GPR158: variants seen among roughly 807,000 people sequenced by gnomAD.
GPR158 encodes G protein-coupled receptor 158.
A neutral mutation model predicts 78.2 loss-of-function variants in GPR158; 30 were observed. The observed-to-expected ratio is 0.38, with a 90% CI of 0.29 to 0.52. The LOEUF is 0.52. Ranked by LOEUF, GPR158 falls within the 20% of genes least tolerant of loss-of-function variation. The pLI is 0.83. For synonymous variants in GPR158, 581 were observed against 591.1 expected (o/e 0.98, Z 0.25); for missense variants, 1,463 against 1,523.5 (o/e 0.96, Z 0.66).
At chr10:25,326,634 A>G (rs1266496295) in intron 2 of GPR158, among the ~76,000 whole-genome samples, 24 of 152,180 alleles carry the variant, frequency 1.6e-4, no homozygotes, top group Non-Finnish European at 1.0e-4. Flanking sequence ...GCCAAAAAGT[A>G]AAAAGTTTCA....
At chr10:25,491,827 T>C (rs1835813190) in intron 5 of GPR158, among the ~76,000 whole-genome samples, 1 of 152,192 alleles carries the variant, frequency 6.6e-6, no homozygotes, top group African/African-American at 2.4e-5. Context: ...CTTATCATTA[T>C]ATGGATAGGT....
intron 2 of GPR158, among the ~76,000 whole-genome samples, chr10:25,293,947 A>C (rs1478592663): frequency 6.6e-6 from 1 of 152,082 alleles, no homozygotes; most frequent in East Asian, 1.9e-4. Flanking sequence ...GGGTTTCACC[A>C]TGTTGGCCAG....
At chr10:25,504,693 T>G (rs1159725541) in intron 5 of GPR158, among the ~76,000 whole-genome samples, 1 of 152,200 alleles carries the variant, frequency 6.6e-6, no homozygotes, top group Non-Finnish European at 1.5e-5. Context: ...ACCTCCTACC[T>G]GCAGGAGTGT....
At chr10:25,287,060 T>C (rs1206739533) in intron 2 of GPR158, among the ~76,000 whole-genome samples, 2 of 152,134 alleles carry the variant, frequency 1.3e-5, no homozygotes, top group Admixed American at 1.3e-4. Flanking sequence ...GCATCTGTTT[T>C]AGGCAGATAC....
intron 2 of GPR158, among the ~76,000 whole-genome samples, chr10:25,366,541 A>G (rs999633279): frequency 6.6e-6 from 1 of 151,726 alleles, no homozygotes; most frequent in African/African-American, 2.4e-5. Flanking sequence ...AATATTAATT[A>G]CCTCACGTAT....
At chr10:25,375,955 C>A (rs943509847) in intron 2 of GPR158, among the ~76,000 whole-genome samples, 1 of 151,600 alleles carries the variant, frequency 6.6e-6, no homozygotes, top group African/African-American at 2.4e-5. Context: ...TGCACTAAAT[C>A]TATACATTAC....
intron 5 of GPR158, among the ~76,000 whole-genome samples, chr10:25,522,587 A>G (rs376200323): frequency 2.0e-5 from 3 of 152,234 alleles, no homozygotes; most frequent in African/African-American, 7.2e-5. Context: ...TATGTAATTG[A>G]ATTCACTATA....
chr10:25,331,335 A>G (rs1386368145), intron 2 of GPR158, among the ~76,000 whole-genome samples: 1 of 152,180 alleles, frequency 6.6e-6, no homozygotes, highest in Non-Finnish European at 1.5e-5. Flanking sequence ...AAGGGATGAC[A>G]ATTCTTCCTT....
At chr10:25,532,435 C>T (rs529871789) in intron 5 of GPR158, among the ~76,000 whole-genome samples, 2 of 152,242 alleles carry the variant, frequency 1.3e-5, no homozygotes, top group East Asian at 3.9e-4. Flanking sequence ...TGTTTCTTCT[C>T]AAAATACCAT....
At chr10:25,433,694 C>CT (rs3082190) in intron 4 of GPR158, among the ~76,000 whole-genome samples, 6,797 of 109,808 alleles carry the variant, frequency 0.062, 352 homozygotes, top group South Asian at 0.19. Context: ...TTCTTTCTTT[C>CT]TTTTTTTTTT....
At chr10:25,583,365 TA>T (rs1425009921) in intron 7 of GPR158, among the ~76,000 whole-genome samples, 2 of 152,190 alleles carry the variant, frequency 1.3e-5, no homozygotes, top group Non-Finnish European at 2.9e-5. Flanking sequence ...ACTTGTAACT[TA>T]ACAATTCTAA....
intron 6 of GPR158, among the ~76,000 whole-genome samples, chr10:25,564,086 G>A (rs1320686532): frequency 1.3e-5 from 2 of 152,094 alleles, no homozygotes; most frequent in Admixed American, 6.5e-5. Flanking sequence ...TGTGGCCATT[G>A]AAGTCTCTTT....
chr10:25,583,088 G>C lies in GPR158; in HGVS notation c.1754-5919G>C, dbSNP rs117769446. Among the ~76,000 whole-genome samples the C allele has an allele frequency of 7.4e-3, 1,125 of 152,320 alleles. 5 individuals are homozygous for C. The highest frequency in any genetic ancestry group is 0.011 in the Non-Finnish European group (779 of 68,020). On this transcript the variant is annotated intron_variant, in intron 7 of 10. Transcript: ENST00000376351. ...TGCTCACAGGGCGAGTGCAGCTGGA[G>C]AACGGAGGTTCTCTGCAGACATATC...
intron 2 of GPR158, among the ~76,000 whole-genome samples, chr10:25,364,524 G>T (rs10828778): frequency 6.6e-6 from 1 of 151,556 alleles, no homozygotes; most frequent in Non-Finnish European, 1.5e-5. Context: ...GGAAATGAGG[G>T]TACTTAAACA....
chr10:25,360,691 C>T (rs62155517), intron 2 of GPR158, among the ~76,000 whole-genome samples: 12,526 of 152,008 alleles, frequency 0.082, 1,283 homozygotes, highest in African/African-American at 0.24. Context: ...AGTCAGGTAG[C>T]GTGATGCTTC....
chr10:25,500,090 CT>C (rs1325166795), intron 5 of GPR158, among the ~76,000 whole-genome samples: 4 of 152,228 alleles, frequency 2.6e-5, no homozygotes, highest in African/African-American at 7.2e-5. Context: ...TGTGAATTTT[CT>C]TTTCACTTAC....
chr10:25,302,253 T>G (rs1188314989), intron 2 of GPR158, among the ~76,000 whole-genome samples: 1 of 126,348 alleles, frequency 7.9e-6, no homozygotes, highest in Non-Finnish European at 1.6e-5. Flanking sequence ...TTTTTTTTTT[T>G]TTTTGTATTT....
chr10:25,269,501 A>C (rs931195221), intron 2 of GPR158, among the ~76,000 whole-genome samples: 1 of 152,158 alleles, frequency 6.6e-6, no homozygotes, highest in Non-Finnish European at 1.5e-5. Flanking sequence ...TTTTAGTTTT[A>C]TATTTTAGCA....
At chr10:25,572,626 C>T (rs753374500) in intron 6 of GPR158, 23 bp from the exon 7 acceptor site, 2 of 1,430,676 alleles carry the variant, frequency 1.4e-6, no homozygotes, top group South Asian at 2.3e-5. Flanking sequence ...TTTGCTTTCA[C>T]ATTTGAACTT....
Sources: allele counts gnomAD v4.1 joint callset (sites outside exome capture counted in the v4.1 genomes callset), GRCh38; gene constraint gnomAD v4.1.1; transcripts MANE v1.5; gene names NCBI Gene and HGNC (gene_info 2026-07-23, HGNC 2026-07-21).